The following LYAR variants were observed in gnomAD, a reference collection of about 807,000 sequenced individuals.
LYAR encodes Ly1 antibody reactive.
A neutral mutation model predicts 45.2 loss-of-function variants in LYAR; 37 were observed. The ratio of observed to expected loss-of-function variants is 0.82; its 90% CI spans 0.63 to 1.08. The LOEUF (loss-of-function observed/expected upper bound fraction) is 1.08. Among genes scored for constraint, LYAR ranks in the 50% least tolerant of loss-of-function variants. The pLI, the probability that LYAR is intolerant of heterozygous loss-of-function variation, is 0.00. For synonymous variants in LYAR, 176 were observed against 155.1 expected (o/e 1.14, Z -1.00); for missense variants, 493 against 451.0 (o/e 1.09, Z -0.84).
At chr4:4,273,039 C>T (rs1012325019) in intron 8 of LYAR, among the ~76,000 whole-genome samples, 1 of 152,084 alleles carries the variant, frequency 6.6e-6, no homozygotes, top group Admixed American at 6.5e-5. Flanking sequence ...CAAGGAGACC[C>T]CAGAAACAGG....
chr4:4,269,543 C>T (rs558735948), intron 8 of LYAR, among the ~76,000 whole-genome samples: 3 of 152,298 alleles, frequency 2.0e-5, no homozygotes, highest in African/African-American at 7.2e-5. Context: ...GTGGAACCTG[C>T]ACCAGGAGCC....
chr4:4,268,405 A>G (rs1718795960), intron 9 of LYAR, 125 bp downstream of exon 9: 1 of 695,196 alleles, frequency 1.4e-6, no homozygotes, highest in Non-Finnish European at 2.4e-6. Flanking sequence ...GCAGCTTGAA[A>G]ATCACTGAGA....
chr4:4,286,881 G>T (rs894494969), intron 1 of LYAR, among the ~76,000 whole-genome samples: 15 of 142,666 alleles, frequency 1.1e-4, no homozygotes, highest in African/African-American at 4.1e-4. Context: ...TCAATCTCCT[G>T]ACCTCGTGAT....
intron 1 of LYAR, among the ~76,000 whole-genome samples, chr4:4,288,469 CTT>C (rs1560099641): frequency 2.1e-4 from 31 of 149,392 alleles, no homozygotes. Context: ...TTTTGTATTA[CTT>C]ATTCAATTTT....
rs1718773246 is a variant in LYAR, at chr4:4,267,820, C to T, written c.*69G>A. 1 of 1,298,602 alleles carries T rather than the reference C, an allele frequency of 7.7e-7. No individual in the cohort carries two copies. The highest frequency in any genetic ancestry group is 1.0e-6 in the Non-Finnish European group (1 of 983,932). The allele number at this position is 1,298,602 out of a possible 1,614,324, so 80.4% of individuals were successfully genotyped here. On this transcript the variant is annotated 3_prime_UTR_variant, in exon 10 of 10. Coordinates refer to ENST00000343470, the MANE Select transcript of LYAR (RefSeq NM_017816.3). ...AAATTTGAGTTGTTAGAATTCATTA[C>T]ACATTTTATAAACAGCAGTGAAAGG...
At chr4:4,269,969 G>C (rs1387789440) in intron 8 of LYAR, among the ~76,000 whole-genome samples, 1 of 152,116 alleles carries the variant, frequency 6.6e-6, no homozygotes, top group Non-Finnish European at 1.5e-5. Flanking sequence ...TTGTAATCCA[G>C]GCACTTTGGG....
At chr4:4,271,969 AAG>A (rs1718952983) in intron 8 of LYAR, among the ~76,000 whole-genome samples, 2 of 152,218 alleles carry the variant, frequency 1.3e-5, no homozygotes, top group South Asian at 4.1e-4. Context: ...ACGCTGAGCG[AAG>A]AGTCAGTCTC....
At chr4:4,273,979 G>A (rs930713620) in intron 7 of LYAR, among the ~76,000 whole-genome samples, 1 of 152,208 alleles carries the variant, frequency 6.6e-6, no homozygotes, top group African/African-American at 2.4e-5. Context: ...GCTCATGCCT[G>A]TAACCCCAGC....
intron 8 of LYAR, among the ~76,000 whole-genome samples, chr4:4,271,691 G>A (rs1478710421): frequency 6.6e-6 from 1 of 152,136 alleles, no homozygotes; most frequent in Non-Finnish European, 1.5e-5. Context: ...TTGAGCTGGT[G>A]GTTTCTTAGA....
chr4:4,274,408 G>A lies in LYAR; in HGVS notation c.791C>T (p.Ala264Val). The A allele has an allele frequency of 6.2e-7, 1 of 1,613,916 alleles. No individual in the cohort carries two copies. The highest frequency in any genetic ancestry group is 8.5e-7 in the Non-Finnish European group (1 of 1,179,894). ...QRKDSASEEEARVGAGKRKRR... is the reference protein window; with the variant it reads ...QRKDSASEEEVRVGAGKRKRR... ...CTTCCTCTTCCCTGCGCCCACGCGT[G>A]CCTCTTCCTCACTGGCGCTGTCCTT... The change falls in exon 7 of 10, where the codon GCA becomes GTA. Residue 264 changes from alanine (A) to valine (V), a missense_variant. Coordinates refer to ENST00000343470, the MANE Select transcript of LYAR (RefSeq NM_017816.3).
chr4:4,273,543 T>C, intron 8 of LYAR, 40 bp downstream of exon 8: 1 of 1,465,120 alleles, frequency 6.8e-7, no homozygotes, highest in Non-Finnish European at 9.5e-7. Flanking sequence ...CGAGAGCCGC[T>C]GTGCCCAGCC....
chr4:4,278,252 C>A (rs749485538), intron 6 of LYAR, among the ~76,000 whole-genome samples: 3 of 152,056 alleles, frequency 2.0e-5, no homozygotes, highest in Non-Finnish European at 2.9e-5. Context: ...CCACTTGTTG[C>A]CGAAAGTATT....
chr4:4,268,119 T>C, intron 9 of LYAR, 96 bp from the exon 10 acceptor site: 1 of 1,201,144 alleles, frequency 8.3e-7, no homozygotes, highest in African/African-American at 1.6e-5. Context: ...CAGGAAAAAA[T>C]AAAAGAAACC....
intron 5 of LYAR, 29 bp from the exon 6 acceptor site, chr4:4,279,559 T>C (rs768981823): frequency 2.5e-6 from 4 of 1,569,252 alleles, no homozygotes; most frequent in Middle Eastern, 1.7e-4. Context: ...AAAAGAACTA[T>C]TGATCCCACT....
chr4:4,277,684 T>C (rs895562619), intron 6 of LYAR, among the ~76,000 whole-genome samples: 1 of 152,192 alleles, frequency 6.6e-6, no homozygotes, highest in Non-Finnish European at 1.5e-5. Context: ...CATTACACCA[T>C]GGACCCGCAC....
chr4:4,279,537 G>C lies in LYAR; in HGVS notation c.346-7C>G. On this transcript the variant is annotated splice_region_variant and splice_polypyrimidine_tract_variant and intron_variant, in intron 5 of 9. Transcript: ENST00000343470. ...AACTGTTCTTCATCCAATTCTGTAAGAAAGAAAAAGAAAAAGAACTATTGA... is the reference window on the plus strand; with the variant it reads ...AACTGTTCTTCATCCAATTCTGTAACAAAGAAAAAGAAAAAGAACTATTGA... The C allele has an allele frequency of 6.2e-7, 1 of 1,600,350 alleles. No homozygotes were observed. Among genetic ancestry groups the C allele is most frequent in the Non-Finnish European group, 8.6e-7 (1 of 1,168,046 alleles).
intron 4 of LYAR, among the ~76,000 whole-genome samples, chr4:4,281,146 T>A (rs943264848): frequency 3.3e-5 from 5 of 152,190 alleles, no homozygotes; most frequent in African/African-American, 1.2e-4. Context: ...TGGCTTGAGT[T>A]ATAAAAGCTC....
chr4:4,271,180 T>C (rs1427827013), intron 8 of LYAR, among the ~76,000 whole-genome samples: 1 of 152,158 alleles, frequency 6.6e-6, no homozygotes, highest in Non-Finnish European at 1.5e-5. Flanking sequence ...CTTTCCAGTC[T>C]CTGGTAACCA....
At chr4:4,281,738 G>A (rs760496236) in intron 4 of LYAR, 45 bp downstream of exon 4, 26 of 1,405,550 alleles carry the variant, frequency 1.8e-5, no homozygotes, top group Admixed American at 5.0e-5. Context: ...CAAAGAAAGC[G>A]GAAGCTGTCA....
Sources: allele counts gnomAD v4.1 joint callset (sites outside exome capture counted in the v4.1 genomes callset), GRCh38; gene constraint gnomAD v4.1.1; transcripts MANE v1.5; gene names NCBI Gene and HGNC (gene_info 2026-07-23, HGNC 2026-07-21).